The following NPM1 variants were observed in gnomAD, a reference collection of about 807,000 sequenced individuals.
NPM1 encodes the protein nucleophosmin.
A neutral mutation model predicts 44.1 loss-of-function variants in NPM1; 1 was observed. The observed-to-expected ratio is 0.02, with a 90% confidence interval of 0.01 to 0.11. The LOEUF is 0.11. NPM1 is among the 10% of genes least tolerant of loss of function. The pLI is 1.00. For missense variants in NPM1, 197 were observed against 347.8 expected, an observed-to-expected ratio of 0.57 and a Z score of 3.45; for synonymous variants, 126 against 111.8, an observed-to-expected ratio of 1.13 and a Z score of -0.80.
intron 3 of NPM1, 117 bp downstream of exon 3, chr5:171,391,541 T>C: frequency 7.6e-7 from 1 of 1,320,794 alleles, no homozygotes; most frequent in Admixed American, 2.0e-5. Flanking sequence ...CTTCTGTCAC[T>C]GGAGTTCGAT....
chr5:171,407,279 T>C (rs1218963376), intron 9 of NPM1, among the ~76,000 whole-genome samples: 1 of 152,234 alleles, frequency 6.6e-6, no homozygotes, highest in African/African-American at 2.4e-5. Flanking sequence ...GCAAGTGTTT[T>C]GTGGGGTTTT....
At position 171,388,009 on chromosome 5, in the gene NPM1, A is replaced by G. The variant is rs773656347; in HGVS notation, c.58+3A>G. ...GAGGCCCCAGAACTATCTTTTCGGTAACTGCTGGGGGGAGCTGGAGCGAGG... is the reference window on the plus strand; with the variant it reads ...GAGGCCCCAGAACTATCTTTTCGGTGACTGCTGGGGGGAGCTGGAGCGAGG... On this transcript the variant is annotated splice_donor_region_variant and intron_variant, in intron 1 of 10. Coordinates refer to ENST00000296930, the MANE Select transcript of NPM1 (RefSeq NM_002520.7). 2 of 1,583,156 alleles carry G rather than the reference A, an allele frequency of 1.3e-6. No individual in the cohort carries two copies. Among genetic ancestry groups the G allele is most frequent in the South Asian group, 2.2e-5 (2 of 90,584 alleles).
In NPM1 at chr5:171,388,023, G is replaced by A. The variant is rs1185207200; in HGVS notation, c.58+17G>A. ...ATCTTTTCGGTAACTGCTGGGGGGA[G>A]CTGGAGCGAGGCCGAGCGGGGCCTG... is the stretch of plus-strand genomic sequence containing the variant. On this transcript the variant is annotated intron_variant, in intron 1 of 10. Coordinates refer to ENST00000296930, the MANE Select transcript of NPM1 (RefSeq NM_002520.7). The A allele has an allele frequency of 1.2e-6, 2 of 1,610,598 alleles. No individual in the cohort carries two copies. The highest frequency in any genetic ancestry group is 8.5e-7 in the Non-Finnish European group (1 of 1,177,950).
At chr5:171,388,078 G>GTGGGGGGGGGGC in intron 1 of NPM1, 72 bp downstream of exon 1, 3 of 616,748 alleles carry the variant, frequency 4.9e-6, no homozygotes, top group East Asian at 3.9e-5. Flanking sequence ...TGAGGGGCGG[G>GTGGGGGGGGGGC]AATCCGGCTG....
At chr5:171,389,335 T>C (rs555395158) in intron 1 of NPM1, among the ~76,000 whole-genome samples, 2 of 152,238 alleles carry the variant, frequency 1.3e-5, no homozygotes, top group Non-Finnish European at 2.9e-5. Context: ...TGGAATCATT[T>C]AAAATTTTTA....
chr5:171,406,276 A>G, intron 9 of NPM1: 1 of 873,290 alleles, frequency 1.1e-6, no homozygotes, highest in Non-Finnish European at 1.9e-6. Context: ...CACACTGTAA[A>G]CCCTTTAGCC....
intron 10 of NPM1, 49 bp from the exon 11 acceptor site, chr5:171,410,478 T>A: frequency 2.5e-6 from 3 of 1,181,758 alleles, no homozygotes; most frequent in Non-Finnish European, 3.6e-6. Context: ...TATTGATGTC[T>A]ATGAAGTGTT....
intron 6 of NPM1, among the ~76,000 whole-genome samples, chr5:171,393,488 A>C (rs1340271969): frequency 6.6e-6 from 1 of 152,240 alleles, no homozygotes. Context: ...TGGGATTTAA[A>C]ATATGGTTGG....
Position 171,403,937 on chromosome 5 carries a change from CGGGGCGGCTGGCCGGGT to C in NPM1, c.670-1360_670-1344del, listed in dbSNP as rs1245775290. ...CTTACCCCCCCACCTCCCTCCCGGA[CGGGGCGGCTGGCCGGGT>C]GGGGGGGCTGACCCCCCCATCTCCC... On this transcript the variant is annotated intron_variant, in intron 8 of 10. Coordinates refer to ENST00000296930, the MANE Select transcript of NPM1 (RefSeq NM_002520.7). 6.5e-4 allele frequency among the ~76,000 whole-genome samples: 47 copies of C among 71,800 alleles called. 1 individual carries two copies. The highest frequency in any genetic ancestry group is 3.6e-3 in the Admixed American group (29 of 8,016). 47.1% of individuals were successfully genotyped at this position (71,800 alleles called of 152,430 possible). A position where few individuals can be genotyped will look rare whatever the true frequency, so the allele number is the denominator to read the frequency against.
At chr5:171,387,416 G>A (rs1156258610), upstream of NPM1, among the ~76,000 whole-genome samples, 1 of 152,226 alleles carries the variant, frequency 6.6e-6, no homozygotes, top group African/African-American at 2.4e-5. Context: ...GATGGGGAAA[G>A]GTGAATCGAG....
At position 171,406,385 on chromosome 5, in the gene NPM1, G is replaced by A. The variant is rs767628820; in HGVS notation, c.771+982G>A. ...ATTTTAATATGGTCCTATCTCCTTG[G>A]TTTAATTGCAGGCGCATTGAACAGT... On this transcript the variant is annotated intron_variant, in intron 9 of 10. Coordinates refer to ENST00000296930, the MANE Select transcript of NPM1 (RefSeq NM_002520.7). 27 of 1,611,566 alleles carry A rather than the reference G, an allele frequency of 1.7e-5. No homozygotes were observed. In the East Asian group the frequency reaches 6.0e-4, roughly 36 times the overall value.
intron 6 of NPM1, among the ~76,000 whole-genome samples, chr5:171,394,167 G>A (rs1275430441): frequency 1.3e-5 from 2 of 149,194 alleles, no homozygotes; most frequent in Admixed American, 1.4e-4. Context: ...TCAGCCTCCC[G>A]GGTAGCTGGG....
chr5:171,389,188 C>G (rs1033897187), intron 1 of NPM1, among the ~76,000 whole-genome samples: 4 of 151,808 alleles, frequency 2.6e-5, no homozygotes, highest in African/African-American at 9.7e-5. Context: ...AATCTTTGTA[C>G]TATTCAGACT....
chr5:171,407,536 G>T, intron 9 of NPM1, 164 bp from the exon 10 acceptor site: 1 of 630,956 alleles, frequency 1.6e-6, no homozygotes, highest in South Asian at 1.9e-5. Context: ...CTGCCCAATA[G>T]GGCTTTCTGG....
chr5:171,401,027 G>A, intron 8 of NPM1, 102 bp downstream of exon 8: 1 of 799,310 alleles, frequency 1.3e-6, no homozygotes, highest in Non-Finnish European at 2.1e-6. Flanking sequence ...GGCCTTTATA[G>A]AACCCCTGTA....
At chr5:171,395,147 T>A (rs2113199369) in intron 6 of NPM1, among the ~76,000 whole-genome samples, 1 of 152,294 alleles carries the variant, frequency 6.6e-6, no homozygotes, top group East Asian at 1.9e-4. Flanking sequence ...GCCACCGTGT[T>A]CCATCCTGGG....
upstream of NPM1, chr5:171,387,835 G>C: frequency 1.0e-6 from 1 of 978,370 alleles, no homozygotes; most frequent in Admixed American, 2.0e-5. Flanking sequence ...ATATAAGCGC[G>C]GGGAGCCTGC....
chr5:171,407,889 A>G (rs1356070944), intron 10 of NPM1, 115 bp downstream of exon 10: 9 of 649,748 alleles, frequency 1.4e-5, no homozygotes, highest in Non-Finnish European at 2.2e-5. Flanking sequence ...AACCACAGAT[A>G]ATATTTCATT....
intron 6 of NPM1, among the ~76,000 whole-genome samples, chr5:171,398,996 G>A (rs1039806625): frequency 2.6e-5 from 4 of 151,822 alleles, no homozygotes; most frequent in African/African-American, 9.7e-5. Context: ...GATTACAGGC[G>A]CCCGCCACCA....
Sources: allele counts gnomAD v4.1 joint callset (sites outside exome capture counted in the v4.1 genomes callset), GRCh38; gene constraint gnomAD v4.1.1; transcripts MANE v1.5; gene names NCBI Gene and HGNC (gene_info 2026-07-23, HGNC 2026-07-21).